The following NR1I2 variants were observed in gnomAD, a reference collection of about 807,000 sequenced individuals.
NR1I2 encodes the protein nuclear receptor subfamily 1 group I member 2, also known as orphan nuclear receptor PAR1.
Under a neutral mutation model 43.3 loss-of-function variants are expected in NR1I2, and 42 were observed. That is an observed-to-expected ratio of 0.97 (90% confidence interval 0.76 to 1.26). The LOEUF (loss-of-function observed/expected upper bound fraction) is 1.26. Among genes scored for constraint, NR1I2 ranks in the 50% most tolerant of loss-of-function variants. The probability of loss-of-function intolerance (pLI) is 0.00; values close to 1 mark genes in which losing one functional copy is unlikely to be tolerated. For missense variants in NR1I2, 559 were observed against 566.7 expected (o/e 0.99, Z 0.14); for synonymous variants, 229 against 215.0 (o/e 1.06, Z -0.57).
At chr3:119,786,890 A>AACAAAC (rs1474598617) in intron 1 of NR1I2, among the ~76,000 whole-genome samples, 2 of 152,228 alleles carry the variant, frequency 1.3e-5, no homozygotes. Flanking sequence ...TTTCATAAAG[A>AACAAAC]ATTTAAAACA....
At chr3:119,792,205 C>T (rs1049172499) in intron 1 of NR1I2, 161 of 1,366,144 alleles carry the variant, frequency 1.2e-4, no homozygotes, top group Middle Eastern at 1.8e-4. Flanking sequence ...ATCCTCAAGT[C>T]AGTGGTGGCT....
At chr3:119,810,316 A>G (rs1435579693) in intron 3 of NR1I2, 122 bp downstream of exon 3, 3 of 1,416,174 alleles carry the variant, frequency 2.1e-6, no homozygotes, top group East Asian at 2.5e-5. Flanking sequence ...ACACACGTGC[A>G]CATGTGAGCT....
chr3:119,782,559 C>A (rs933844064), intron 1 of NR1I2, among the ~76,000 whole-genome samples: 1 of 152,128 alleles, frequency 6.6e-6, no homozygotes, highest in Non-Finnish European at 1.5e-5. Flanking sequence ...ACAGGAGAAG[C>A]CTTAACTACT....
rs1173246919 is a variant in NR1I2, at chr3:119,787,560, G to A, written c.-23+5260G>A. Among the ~76,000 whole-genome samples, 3 of 151,882 alleles carry A rather than the reference G, an allele frequency of 2.0e-5. No individual in the cohort carries two copies. The East Asian group carries it at 5.8e-4, about 29-fold the overall frequency. On this transcript the variant is annotated intron_variant, in intron 1 of 8. Transcript: ENST00000393716. ...CTGAACAACGTCAATGGTTTTATAG[G>A]CATCACTTGCCTGCATCTTAGAAAT...
chr3:119,794,492 CTTT>C (rs35100139), intron 1 of NR1I2, among the ~76,000 whole-genome samples: 1 of 136,212 alleles, frequency 7.3e-6, no homozygotes, highest in Non-Finnish European at 1.6e-5. Flanking sequence ...CTCACCCAGC[CTTT>C]TTTTTTTTTT....
chr3:119,807,420 C>T lies in NR1I2; in HGVS notation c.170C>T (p.Thr57Ile). 6.2e-7 allele frequency: 1 copy of T among 1,614,090 alleles called. No homozygotes were observed. Among genetic ancestry groups the T allele is most frequent in the Non-Finnish European group, 8.5e-7 (1 of 1,180,044 alleles). Residue 57 changes from threonine (T) to isoleucine (I), a missense_variant, in exon 2 of 9, where the codon ACA (threonine) becomes ATA (isoleucine). By Grantham distance (89) the Thr-to-Ile change is moderately conservative. Transcript: ENST00000393716. ...ACTGGCTATCACTTCAATGTCATGA[C>T]ATGTGAAGGATGCAAGGGCTTTTTC...
chr3:119,797,186 ATGTGTGTGTGTG>A (rs60261128), intron 1 of NR1I2, among the ~76,000 whole-genome samples: 4 of 145,180 alleles, frequency 2.8e-5, no homozygotes, highest in Admixed American at 6.9e-5. Context: ...GCACAAAGAT[ATGTGTGTGTGTG>A]TGTGTGTGTG....
At chr3:119,794,909 A>G (rs936433179) in intron 1 of NR1I2, among the ~76,000 whole-genome samples, 2 of 152,248 alleles carry the variant, frequency 1.3e-5, no homozygotes, top group African/African-American at 4.8e-5. Flanking sequence ...TTTGCACTCC[A>G]GCCTGAGTGA....
chr3:119,810,475 A>G lies in NR1I2; in HGVS notation c.331+281A>G, dbSNP rs553671123. 6 of 520,198 alleles carry G rather than the reference A, an allele frequency of 1.2e-5. No individual in the cohort carries two copies. In the South Asian group the frequency reaches 1.6e-4, roughly 14 times the overall value. The allele number at this position is 520,198 out of a possible 1,614,324, so 32.2% of individuals were successfully genotyped here. A position where few individuals can be genotyped will look rare whatever the true frequency, so the allele number is the denominator to read the frequency against. Reference sequence around the variant, plus strand: ...TCTGTCTCCCCTCAGTTGCTCCTGCATCATTCTTTTTGTCCCCTTCATAAT... The same window carrying G: ...TCTGTCTCCCCTCAGTTGCTCCTGCGTCATTCTTTTTGTCCCCTTCATAAT... On this transcript the variant is annotated intron_variant, in intron 3 of 8. Transcript: ENST00000393716.
intron 1 of NR1I2, among the ~76,000 whole-genome samples, chr3:119,787,657 A>ATGTGTGTGTG (rs3030846): frequency 3.1e-5 from 4 of 128,512 alleles, no homozygotes; most frequent in African/African-American, 9.0e-5. Flanking sequence ...TGCTATTAAT[A>ATGTGTGTGTG]TGTGTGTGTG....
chr3:119,785,258 A>G (rs567819807), intron 1 of NR1I2, among the ~76,000 whole-genome samples: 19 of 152,298 alleles, frequency 1.2e-4, no homozygotes, highest in Non-Finnish European at 2.6e-4. Context: ...TTTATTTTGT[A>G]CTATGAACTC....
At chr3:119,809,224 G>C (rs943832208) in intron 2 of NR1I2, among the ~76,000 whole-genome samples, 8 of 152,156 alleles carry the variant, frequency 5.3e-5, no homozygotes, top group African/African-American at 1.7e-4. Context: ...GGAAAGTAAA[G>C]GTAGGACTGC....
chr3:119,798,084 G>T (rs2055024678), intron 1 of NR1I2, among the ~76,000 whole-genome samples: 2 of 151,914 alleles, frequency 1.3e-5, no homozygotes, highest in Admixed American at 1.3e-4. Flanking sequence ...CCTTTCATTG[G>T]TTTCAAAAAC....
intron 1 of NR1I2, among the ~76,000 whole-genome samples, chr3:119,792,806 C>T (rs930894226): frequency 3.3e-5 from 5 of 152,028 alleles, no homozygotes; most frequent in Non-Finnish European, 7.4e-5. Flanking sequence ...ACCCAGGAGG[C>T]AGAGGATATA....
At chr3:119,792,735 C>G (rs924802030) in intron 1 of NR1I2, among the ~76,000 whole-genome samples, 2 of 151,958 alleles carry the variant, frequency 1.3e-5, no homozygotes, top group East Asian at 3.9e-4. Context: ...TTTAGCTGGA[C>G]GTGGTGGCAT....
intron 1 of NR1I2, among the ~76,000 whole-genome samples, chr3:119,805,546 T>C (rs2055144893): frequency 6.6e-6 from 1 of 151,656 alleles, no homozygotes. Context: ...CTACTGAAAA[T>C]ACAAAAATTA....
Position 119,817,804 on chromosome 3 carries a change from T to G in NR1I2, c.*592T>G. 1.0e-6 allele frequency: 1 copy of G among 1,000,710 alleles called. No individual in the cohort carries two copies. The highest frequency in any genetic ancestry group is 1.2e-6 in the Non-Finnish European group (1 of 837,792). 62.0% of individuals were successfully genotyped at this position (1,000,710 alleles called of 1,614,324 possible). On this transcript the variant is annotated 3_prime_UTR_variant, in exon 9 of 9. Transcript: ENST00000393716. ...AGGCCTGCACCAAATGTCAGAAGCTTGGCATGACCTCATTCCGGCCACATC... is the reference window on the plus strand; with the variant it reads ...AGGCCTGCACCAAATGTCAGAAGCTGGGCATGACCTCATTCCGGCCACATC...
intron 1 of NR1I2, among the ~76,000 whole-genome samples, chr3:119,789,962 T>C (rs2054894159): frequency 6.6e-6 from 1 of 152,234 alleles, no homozygotes; most frequent in Non-Finnish European, 1.5e-5. Context: ...TAACAAATTT[T>C]ACCATCTTAA....
At chr3:119,808,496 A>T (rs924166921) in intron 2 of NR1I2, among the ~76,000 whole-genome samples, 2 of 152,246 alleles carry the variant, frequency 1.3e-5, no homozygotes, top group Admixed American at 6.5e-5. Context: ...TGTGTGGAAG[A>T]GGGTGGATGT....
Sources: allele counts gnomAD v4.1 joint callset (sites outside exome capture counted in the v4.1 genomes callset), GRCh38; gene constraint gnomAD v4.1.1; transcripts MANE v1.5; gene names NCBI Gene and HGNC (gene_info 2026-07-23, HGNC 2026-07-21).